Variants in RIMS1 observed in about 807,000 individuals in gnomAD.
The protein encoded by RIMS1 is regulating synaptic membrane exocytosis protein 1.
A neutral mutation model predicts 214.1 loss-of-function variants in RIMS1; 83 were observed. The observed-to-expected ratio is 0.39, with a 90% CI of 0.32 to 0.47. The LOEUF is 0.47. RIMS1 is among the 20% of genes least tolerant of loss of function. The pLI is 0.99. For missense variants in RIMS1, 2,050 were observed against 2,161.8 expected, an observed-to-expected ratio of 0.95 and a Z score of 1.03; for synonymous variants, 793 against 786.8, an observed-to-expected ratio of 1.01 and a Z score of -0.13.
intron 29 of RIMS1, among the ~76,000 whole-genome samples, chr6:72,377,544 A>G (rs185721893): frequency 4.3e-4 from 66 of 152,308 alleles, no homozygotes; most frequent in African/African-American, 1.5e-3. Flanking sequence ...AAGAGGGCAG[A>G]GCAAGACCCT....
chr6:72,121,228 A>G (rs1235048133), intron 4 of RIMS1, among the ~76,000 whole-genome samples: 2 of 151,798 alleles, frequency 1.3e-5, no homozygotes, highest in Non-Finnish European at 2.9e-5. Flanking sequence ...CATTGAATCT[A>G]TAATTAGTTT....
Position 72,179,699 on chromosome 6 carries a change from G to T in RIMS1, c.596G>T (p.Gly199Val). ...QDGTLSDTAT[G>V]AGSEVPREKK... The stretch of plus-strand genomic sequence containing the variant: ...GGAACCCTGAGTGATACAGCTACAG[G>T]TGCTGGCTCTGAGGTACCAAGAGAA... The change falls in exon 5 of 34, where the codon GGT becomes GTT. Residue 199 changes from glycine (G) to valine (V), a missense_variant. Physicochemically the swap from Gly to Val is moderately radical, Grantham distance 109. Transcript: ENST00000521978. 1 of 1,613,918 alleles carries T rather than the reference G, an allele frequency of 6.2e-7. No homozygotes were observed. Among genetic ancestry groups the T allele is most frequent in the East Asian group, 2.2e-5 (1 of 44,862 alleles).
intron 4 of RIMS1, among the ~76,000 whole-genome samples, chr6:72,147,078 A>G (rs2153893634): frequency 6.6e-6 from 1 of 152,354 alleles, no homozygotes; most frequent in East Asian, 1.9e-4. Context: ...TCTGACCTGT[A>G]TAATTTAGAC....
chr6:72,251,940 C>T (rs980632832), intron 15 of RIMS1, among the ~76,000 whole-genome samples: 10 of 152,312 alleles, frequency 6.6e-5, no homozygotes, highest in Middle Eastern at 6.8e-3. Context: ...ATCTTGAACT[C>T]CTGACCTTGT....
intron 1 of RIMS1, among the ~76,000 whole-genome samples, chr6:71,923,567 C>CTTT (rs200418479): frequency 6.6e-6 from 1 of 150,856 alleles, no homozygotes; most frequent in Non-Finnish European, 1.5e-5. Flanking sequence ...CTTTTTGTGA[C>CTTT]TTTTCTTTTT....
At chr6:72,345,217 C>G (rs2097217348) in intron 29 of RIMS1, among the ~76,000 whole-genome samples, 1 of 151,478 alleles carries the variant, frequency 6.6e-6, no homozygotes, top group African/African-American at 2.4e-5. Context: ...GATTGATTTT[C>G]ACATTTTAAA....
chr6:72,383,709 G>A (rs2154427000), intron 29 of RIMS1, among the ~76,000 whole-genome samples: 1 of 151,232 alleles, frequency 6.6e-6, no homozygotes, highest in Non-Finnish European at 1.5e-5. Flanking sequence ...AGGATCGCTT[G>A]AGCCCAGGAG....
intron 4 of RIMS1, among the ~76,000 whole-genome samples, chr6:72,143,267 T>C (rs1010737286): frequency 6.6e-6 from 1 of 152,210 alleles, no homozygotes; most frequent in African/African-American, 2.4e-5. Flanking sequence ...TAGAAAGAAA[T>C]ACATTTTAGA....
At chr6:72,282,171 C>T (rs1437178388) in intron 23 of RIMS1, among the ~76,000 whole-genome samples, 1 of 152,086 alleles carries the variant, frequency 6.6e-6, no homozygotes, top group Non-Finnish European at 1.5e-5. Flanking sequence ...TTGCCTTGAG[C>T]ACTGTGGGGA....
intron 28 of RIMS1, among the ~76,000 whole-genome samples, chr6:72,319,368 A>G (rs1310782645): frequency 6.6e-6 from 1 of 152,178 alleles, no homozygotes; most frequent in African/African-American, 2.4e-5. Flanking sequence ...TGTGGGAGGT[A>G]AAGGTTGATA....
chr6:71,937,205 A>T lies in RIMS1; in HGVS notation c.165-31778A>T, dbSNP rs189515001. ...CAGATTGCCACAGAATAGGTAATTT[A>T]TAAAGAATAGAAATGTATTTGGCTT... On this transcript the variant is annotated intron_variant, in intron 1 of 33. Coordinates refer to ENST00000521978, the MANE Select transcript of RIMS1 (RefSeq NM_014989.7). Among the ~76,000 whole-genome samples, 641 of 152,348 alleles carry T rather than the reference A, an allele frequency of 4.2e-3. 5 individuals are homozygous for T. Among genetic ancestry groups the T allele is most frequent in the South Asian group, 0.016 (77 of 4,830 alleles).
At chr6:72,004,971 C>G (rs1806873009) in intron 2 of RIMS1, among the ~76,000 whole-genome samples, 1 of 151,914 alleles carries the variant, frequency 6.6e-6, no homozygotes, top group African/African-American at 2.4e-5. Context: ...ATGGTAATGC[C>G]TAGGTTTTCT....
intron 1 of RIMS1, among the ~76,000 whole-genome samples, chr6:71,954,253 A>AT (rs1214342775): frequency 6.6e-6 from 1 of 152,170 alleles, no homozygotes; most frequent in African/African-American, 2.4e-5. Flanking sequence ...CAATTTTAGG[A>AT]TTTTCCCAGC....
chr6:72,182,190 C>T, intron 5 of RIMS1, 94 bp from the exon 6 acceptor site: 1 of 1,337,500 alleles, frequency 7.5e-7, no homozygotes. Context: ...ATTATTGTAA[C>T]TGAAATGATT....
chr6:72,004,426 A>G (rs1340105726), intron 2 of RIMS1, among the ~76,000 whole-genome samples: 1 of 152,000 alleles, frequency 6.6e-6, no homozygotes, highest in Non-Finnish European at 1.5e-5. Context: ...CTAGTTCTAG[A>G]TCCCTGAGGA....
intron 6 of RIMS1, among the ~76,000 whole-genome samples, chr6:72,196,588 T>TTTTTTTTTTTTTTTTA (rs1348525195): frequency 8.0e-6 from 1 of 125,540 alleles, no homozygotes; most frequent in African/African-American, 2.8e-5. Context: ...CACTTTTTTT[T>TTTTTTTTTTTTTTTTA]TTTTTTTTTT....
chr6:72,362,957 G>T (rs530510924), intron 29 of RIMS1, among the ~76,000 whole-genome samples: 63 of 152,232 alleles, frequency 4.1e-4, no homozygotes, highest in African/African-American at 1.4e-3. Flanking sequence ...ACAGTAATAA[G>T]CAGGACAGAC....
chr6:72,383,465 A>G (rs1361301341), intron 29 of RIMS1, among the ~76,000 whole-genome samples: 2 of 152,018 alleles, frequency 1.3e-5, no homozygotes, highest in African/African-American at 4.8e-5. Context: ...GGTTCCACAA[A>G]AAGAAAGAAA....
chr6:72,190,557 A>G (rs2049924487), intron 6 of RIMS1, among the ~76,000 whole-genome samples: 1 of 151,644 alleles, frequency 6.6e-6, no homozygotes, highest in Admixed American at 6.6e-5. Flanking sequence ...GTGCCTGCAT[A>G]TGGTGCAGAA....
Sources: allele counts gnomAD v4.1 joint callset (sites outside exome capture counted in the v4.1 genomes callset), GRCh38; gene constraint gnomAD v4.1.1; transcripts MANE v1.5; gene names NCBI Gene and HGNC (gene_info 2026-07-23, HGNC 2026-07-21).